Variants in NSD2 observed in about 807,000 individuals in gnomAD.
The protein encoded by NSD2 is histone-lysine N-methyltransferase NSD2.
In NSD2, 12 loss-of-function variants were observed where a neutral mutation model predicts 139.0. The observed-to-expected ratio is 0.09, with a 90% CI of 0.06 to 0.14. The LOEUF is 0.14. Ranked by LOEUF, NSD2 falls within the 10% of genes least tolerant of loss-of-function variation. The probability of loss-of-function intolerance (pLI) is 1.00; values close to 1 mark genes in which losing one functional copy is unlikely to be tolerated. For missense variants in NSD2, 1,155 were observed against 1,745.0 expected, an observed-to-expected ratio of 0.66 and a Z score of 6.02; for synonymous variants, 669 against 648.7, an observed-to-expected ratio of 1.03 and a Z score of -0.48.
intron 1 of NSD2, among the ~76,000 whole-genome samples, chr4:1,879,539 T>C (rs1714549430): frequency 2.0e-5 from 3 of 152,170 alleles, no homozygotes; most frequent in South Asian, 2.1e-4. Context: ...TTTTAAAAAA[T>C]GTGTATTTTT....
intron 1 of NSD2, among the ~76,000 whole-genome samples, chr4:1,893,416 C>T (rs1239092464): frequency 6.6e-6 from 1 of 152,182 alleles, no homozygotes; most frequent in African/African-American, 2.4e-5. Context: ...CTGTGGTGAG[C>T]TGAGATTGTG....
chr4:1,887,878 T>G (rs982423325), intron 1 of NSD2, among the ~76,000 whole-genome samples: 1 of 152,156 alleles, frequency 6.6e-6, no homozygotes, highest in Non-Finnish European at 1.5e-5. Flanking sequence ...TTTGGGATGG[T>G]CAGTTACACT....
intron 18 of NSD2, among the ~76,000 whole-genome samples, chr4:1,969,794 T>G (rs975564735): frequency 6.6e-6 from 1 of 152,148 alleles, no homozygotes; most frequent in Non-Finnish European, 1.5e-5. Flanking sequence ...TATCACAAAG[T>G]AGATAAAAGT....
chr4:1,943,239 C>A, intron 9 of NSD2: 1 of 1,041,638 alleles, frequency 9.6e-7, no homozygotes, highest in Non-Finnish European at 1.2e-6. Flanking sequence ...ATTCACAGTA[C>A]CATGCGAGTA....
chr4:1,877,709 C>G (rs1714363727), intron 1 of NSD2, among the ~76,000 whole-genome samples: 1 of 152,170 alleles, frequency 6.6e-6, no homozygotes. Context: ...GGCCTCTTGC[C>G]TGCTCTGAAG....
At chr4:1,975,861 C>T (rs993036203) in intron 20 of NSD2, among the ~76,000 whole-genome samples, 1 of 152,216 alleles carries the variant, frequency 6.6e-6, no homozygotes, top group Non-Finnish European at 1.5e-5. Context: ...TACCGTGTGA[C>T]CCCATCTTAA....
chr4:1,940,408 C>T (rs1722963049), intron 9 of NSD2: 1 of 1,063,258 alleles, frequency 9.4e-7, no homozygotes, highest in African/African-American at 1.6e-5. Context: ...GGGGCTGCTG[C>T]CTGCCATCAT....
chr4:1,963,953 A>G (rs1013676130), intron 18 of NSD2, among the ~76,000 whole-genome samples: 1 of 152,196 alleles, frequency 6.6e-6, no homozygotes, highest in East Asian at 1.9e-4. Flanking sequence ...AACTATGATC[A>G]TGTCAATATA....
chr4:1,945,066 T>C, intron 9 of NSD2: 3 of 1,066,328 alleles, frequency 2.8e-6, no homozygotes, highest in Non-Finnish European at 3.4e-6. Context: ...GGCTCCTCTG[T>C]CCCACTGCTG....
At chr4:1,936,227 A>G (rs1276733739) in intron 7 of NSD2, among the ~76,000 whole-genome samples, 1 of 152,202 alleles carries the variant, frequency 6.6e-6, no homozygotes, top group African/African-American at 2.4e-5. Context: ...TGTCTAGCGT[A>G]TGGTGCCCAT....
At chr4:1,938,593 T>TGGGCTGGGGGGGG in intron 8 of NSD2, 61 bp downstream of exon 8, 2 of 515,358 alleles carry the variant, frequency 3.9e-6, no homozygotes, top group East Asian at 4.4e-5. Flanking sequence ...GCTGGGTGGG[T>TGGGCTGGGGGGGG]GGGCTGAGAG....
At chr4:1,877,091 C>A (rs1170077155) in intron 1 of NSD2, among the ~76,000 whole-genome samples, 1 of 151,950 alleles carries the variant, frequency 6.6e-6, no homozygotes, top group African/African-American at 2.4e-5. Flanking sequence ...GAGCCGAGAT[C>A]ATGCTACTGC....
chr4:1,955,727 G>A lies in NSD2; in HGVS notation c.2553G>A (p.Ala851=), dbSNP rs141095288. The change falls in exon 14 of 22, where the codon GCG becomes GCA. Residue 851 remains alanine, a synonymous_variant. Coordinates refer to ENST00000508803, the MANE Select transcript of NSD2 (RefSeq NM_001042424.3). This position sits in a 1 kb window ranked among gnomAD's most constrained non-coding sequence, Gnocchi z 4.7. ...TTCTGTGCTGTGAGTCCTGCCCAGC[G>A]GCCTTCCACCCTGACTGCCTGAACA... ...GSLLCCESCP[A]AFHPDCLNIE... is the part of the protein sequence containing the mutation. The A allele has an allele frequency of 4.5e-5, 73 of 1,613,824 alleles. No homozygotes were observed. Among genetic ancestry groups the A allele is most frequent in the Admixed American group, 1.0e-4 (6 of 59,974 alleles).
rs1162500705 is a variant in NSD2, at chr4:1,959,724, A to G, written c.3239A>G (p.Lys1080Arg). The change falls in exon 17 of 22, where the codon AAG becomes AGG. Residue 1080 changes from lysine (K) to arginine (R), a missense_variant. Around this residue, in one of 8 missense-constraint regions of NSD2, gnomAD observed 139 missense variants for 485.8 expected, o/e 0.29. Transcript: ENST00000508803. ...TDGKGWGLVAKRDIRKGEFVN... is the reference protein window; with the variant it reads ...TDGKGWGLVARRDIRKGEFVN... The stretch of plus-strand genomic sequence containing the variant: ...GGCAAAGGGTGGGGCCTGGTCGCCA[A>G]GAGGGACATCAGAAAGGTATGTGTC... 3 of 1,614,056 alleles carry G rather than the reference A, an allele frequency of 1.9e-6. No homozygotes were observed. Among genetic ancestry groups the G allele is most frequent in the Non-Finnish European group, 2.5e-6 (3 of 1,179,898 alleles).
intron 1 of NSD2, among the ~76,000 whole-genome samples, chr4:1,894,953 C>T (rs1441533040): frequency 6.6e-6 from 1 of 152,120 alleles, no homozygotes; most frequent in Non-Finnish European, 1.5e-5. Flanking sequence ...TTTTCTTCCC[C>T]CAGTTTCTGG....
rs764506321 is a variant in NSD2, at chr4:1,951,075, T to C, written c.1885T>C (p.Ser629Pro). The change falls in exon 10 of 22, where the codon TCG becomes CCG. Residue 629 changes from serine (S) to proline (P), a missense_variant. By Grantham distance (74) the Ser-to-Pro change is moderately conservative. Around this residue, in one of 8 missense-constraint regions of NSD2, gnomAD observed 420 missense variants for 469.0 expected, o/e 0.90. Coordinates refer to ENST00000508803, the MANE Select transcript of NSD2 (RefSeq NM_001042424.3). Reference protein sequence around the residue: ...PSASLTENEVSDSPGDEPSES... With the variant: ...PSASLTENEVPDSPGDEPSES... ...CATCCGCCTCCTTCATCTCTAGGTC[T>C]CGGACAGCCCGGGAGACGAGCCCTC... 46 of 1,613,980 alleles carry C rather than the reference T, an allele frequency of 2.9e-5. No homozygotes were observed. Among genetic ancestry groups the C allele is most frequent in the Middle Eastern group, 3.3e-4 (2 of 6,082 alleles).
In NSD2 at chr4:1,958,180, A is replaced by G; in HGVS notation, c.2985+144A>G. On this transcript the variant is annotated intron_variant, in intron 16 of 21. Coordinates refer to ENST00000508803, the MANE Select transcript of NSD2 (RefSeq NM_001042424.3). This position sits in a 1 kb window ranked among gnomAD's most constrained non-coding sequence, Gnocchi z 4.6. Reference sequence around the variant, plus strand: ...GGTGCCTGGCATGGATGGCCACACAAGAGACCATGAGCAAATGGCATGGGG... The same window carrying G: ...GGTGCCTGGCATGGATGGCCACACAGGAGACCATGAGCAAATGGCATGGGG... 1 of 758,810 alleles carries G rather than the reference A, an allele frequency of 1.3e-6. No homozygotes were observed. The highest frequency in any genetic ancestry group is 2.2e-6 in the Non-Finnish European group (1 of 460,380). The allele number at this position is 758,810 out of a possible 1,614,324, so 47.0% of individuals were successfully genotyped here.
chr4:1,875,540 G>A (rs994525812), intron 1 of NSD2, among the ~76,000 whole-genome samples: 1 of 152,042 alleles, frequency 6.6e-6, no homozygotes, highest in African/African-American at 2.4e-5. Context: ...TCGGCCTTGT[G>A]CCTGGCCTGC....
intron 11 of NSD2, chr4:1,952,979 A>G (rs1724435804): frequency 7.0e-7 from 1 of 1,435,754 alleles, no homozygotes. Flanking sequence ...TGACTGCTCC[A>G]CCACTGGCCA....
Sources: allele counts gnomAD v4.1 joint callset (sites outside exome capture counted in the v4.1 genomes callset), GRCh38; gene constraint gnomAD v4.1.1; regional missense constraint gnomAD v4.1.1; non-coding constraint Gnocchi (gnomAD v3.1); transcripts MANE v1.5; gene names NCBI Gene and HGNC (gene_info 2026-07-23, HGNC 2026-07-21).